ZNF318: variants seen among roughly 807,000 people sequenced by gnomAD.
The protein encoded by ZNF318 is zinc finger protein 318, also known as endocrine regulator.
A neutral mutation model predicts 124.2 loss-of-function variants in ZNF318; 51 were observed. The ratio of observed to expected loss-of-function variants is 0.41; its 90% CI spans 0.33 to 0.52. The LOEUF (loss-of-function observed/expected upper bound fraction) is 0.52. Ranked by LOEUF, ZNF318 falls within the 20% of genes least tolerant of loss-of-function variation. The probability of loss-of-function intolerance (pLI) is 0.23; values close to 1 mark genes in which losing one functional copy is unlikely to be tolerated. For missense variants in ZNF318, 2,815 were observed against 2,811.2 expected, an observed-to-expected ratio of 1.00 and a Z score of -0.03; for synonymous variants, 1,090 against 1,040.7, an observed-to-expected ratio of 1.05 and a Z score of -0.91.
At chr6:43,360,761 C>T (rs756853191) in intron 2 of ZNF318, among the ~76,000 whole-genome samples, 3 of 151,680 alleles carry the variant, frequency 2.0e-5, no homozygotes, top group Non-Finnish European at 4.4e-5. Context: ...ATATTATCAG[C>T]AATAAAAAGG....
chr6:43,343,596 A>G (rs1163389873), intron 6 of ZNF318, among the ~76,000 whole-genome samples: 1 of 152,134 alleles, frequency 6.6e-6, no homozygotes, highest in Non-Finnish European at 1.5e-5. Flanking sequence ...TGGGAGGTCG[A>G]GGTGGGCAGA....
chr6:43,364,759 AAAT>A (rs1779736962), intron 2 of ZNF318, among the ~76,000 whole-genome samples: 1 of 152,216 alleles, frequency 6.6e-6, no homozygotes, highest in Admixed American at 6.5e-5. Flanking sequence ...AATAGTTGTA[AAAT>A]AATAACTGAA....
Position 43,369,009 on chromosome 6 carries a change from G to A in ZNF318, c.357C>T (p.Ala119=), listed in dbSNP as rs953467237. 1 of 1,435,640 alleles carries A rather than the reference G, an allele frequency of 7.0e-7. No individual in the cohort carries two copies. Among genetic ancestry groups the A allele is most frequent in the Non-Finnish European group, 9.2e-7 (1 of 1,092,860 alleles). 88.9% of individuals were successfully genotyped at this position (1,435,640 alleles called of 1,614,324 possible). A position where few individuals can be genotyped will look rare whatever the true frequency, so the allele number is the denominator to read the frequency against. The part of the protein sequence containing the change: ...SSRGESRADY[A]RDGRGDHPGD... ...CTGGATGGTCTCCGCGGCCGTCCCG[G>A]GCATAGTCGGCGCGGGACTCCCCCC... The change falls in exon 1 of 10, where the codon GCC becomes GCT. Residue 119 remains alanine, a synonymous_variant. Transcript: ENST00000361428.
intron 2 of ZNF318, among the ~76,000 whole-genome samples, chr6:43,359,077 T>A (rs1179558241): frequency 6.6e-6 from 1 of 152,232 alleles, no homozygotes; most frequent in Non-Finnish European, 1.5e-5. Flanking sequence ...AACTACTGAT[T>A]TATCTAATTA....
In ZNF318 at chr6:43,340,865, G is replaced by C; in HGVS notation, c.3420C>G (p.Leu1140=). The stretch of plus-strand genomic sequence containing the variant: ...TTGGATCCCCCAAAAATTCCTCACA[G>C]AGCTGGCAATAAAATCCACTGATGG... The part of the protein sequence containing the change: ...LVPISGFYCQ[L]CEEFLGDPIS... Residue 1140 remains leucine, a synonymous_variant, in exon 9 of 10, where the codon CTC becomes CTG. Coordinates refer to ENST00000361428, the MANE Select transcript of ZNF318 (RefSeq NM_014345.3). 6.2e-7 allele frequency: 1 copy of C among 1,614,104 alleles called. No homozygotes were observed. The highest frequency in any genetic ancestry group is 8.5e-7 in the Non-Finnish European group (1 of 1,180,008).
Position 43,338,667 on chromosome 6 carries a change from T to G in ZNF318, c.5331A>C (p.Thr1777=). Residue 1777 remains threonine, a synonymous_variant, in exon 10 of 10, where the codon ACA becomes ACC. Coordinates refer to ENST00000361428, the MANE Select transcript of ZNF318 (RefSeq NM_014345.3). The part of the protein sequence containing the change: ...SEDCRESEIE[T]NTELKERVKE... The stretch of plus-strand genomic sequence containing the variant: ...TTACCCTTTCTTTTAGTTCAGTGTT[T>G]GTCTCTATCTCACTTTCTCTACAAT... 6.2e-7 allele frequency: 1 copy of G among 1,614,208 alleles called. No homozygotes were observed. Among genetic ancestry groups the G allele is most frequent in the Non-Finnish European group, 8.5e-7 (1 of 1,180,042 alleles).
At chr6:43,357,868 G>A in intron 2 of ZNF318, 103 bp from the exon 3 acceptor site, 1 of 1,059,562 alleles carries the variant, frequency 9.4e-7, no homozygotes, top group Non-Finnish European at 1.4e-6. Flanking sequence ...AAAATGCTTA[G>A]GGCAAAAGAC....
chr6:43,363,271 T>C (rs1308345137), intron 2 of ZNF318, among the ~76,000 whole-genome samples: 1 of 152,222 alleles, frequency 6.6e-6, no homozygotes, highest in African/African-American at 2.4e-5. Flanking sequence ...ATGTACCACC[T>C]ACCCAGACTA....
rs1452867256 is a variant in ZNF318, at chr6:43,340,007, C to T, written c.3991G>A (p.Ala1331Thr). 1 of 1,614,094 alleles carries T rather than the reference C, an allele frequency of 6.2e-7. No individual in the cohort carries two copies. Among genetic ancestry groups the T allele is most frequent in the African/African-American group, 1.3e-5 (1 of 74,924 alleles). The change falls in exon 10 of 10, where the codon GCA becomes ACA. Residue 1331 changes from alanine to threonine, a missense_variant. Ala to Thr is a moderately conservative substitution (Grantham distance 58). Transcript: ENST00000361428. ...KIKLSGKTVV[A>T]HTSPWMPVVT... ...ACAGGCATCCAAGGGCTGGTATGTG[C>T]AACAACAGTTTTCCCAGAGAGCTTG...
At chr6:43,362,502 A>T (rs901889924) in intron 2 of ZNF318, among the ~76,000 whole-genome samples, 1 of 148,848 alleles carries the variant, frequency 6.7e-6, no homozygotes, top group Non-Finnish European at 1.5e-5. Context: ...TAAAAAATAA[A>T]CATCTACATA....
chr6:43,342,893 A>G lies in ZNF318; in HGVS notation c.3073-14T>C, dbSNP rs1169555000. On this transcript the variant is annotated splice_polypyrimidine_tract_variant and intron_variant, in intron 6 of 9. Coordinates refer to ENST00000361428, the MANE Select transcript of ZNF318 (RefSeq NM_014345.3). ...TACTTTTGATTCCTAGAGGGGAAAAATCTGTACTTACAAGGAATTCAAGGC... is the reference window on the plus strand; with the variant it reads ...TACTTTTGATTCCTAGAGGGGAAAAGTCTGTACTTACAAGGAATTCAAGGC... 9 of 1,600,168 alleles carry G rather than the reference A, an allele frequency of 5.6e-6. No individual in the cohort carries two copies. The highest frequency in any genetic ancestry group is 3.4e-5 in the Admixed American group (2 of 59,034).
rs1205745127 is a variant in ZNF318, at chr6:43,369,622, C to A, written c.-257G>T. On this transcript the variant is annotated 5_prime_UTR_variant, in exon 1 of 10. Transcript: ENST00000361428. ...GCCTCCGGGGTTCCCCGCTCCTCCA[C>A]TCAGGGAGCGGCCGCAGGAACCAAG... is the stretch of plus-strand genomic sequence containing the variant. 1.3e-5 allele frequency: 2 copies of A among 154,282 alleles called. No homozygotes were observed. Among genetic ancestry groups the A allele is most frequent in the Non-Finnish European group, 2.9e-5 (2 of 70,000 alleles). The allele number at this position is 154,282 out of a possible 1,614,324, so 9.6% of individuals were successfully genotyped here.
In ZNF318 at chr6:43,355,167, A is replaced by G. The variant is rs771939185; in HGVS notation, c.2167T>C (p.Ser723Pro). 1.2e-6 allele frequency: 2 copies of G among 1,614,230 alleles called. No individual in the cohort carries two copies. Among genetic ancestry groups the G allele is most frequent in the South Asian group, 2.2e-5 (2 of 91,084 alleles). The stretch of plus-strand genomic sequence containing the variant: ...CCACTACCAACCACCTCTGGTCCTG[A>G]AATATGACCCACTGGATGGTCAGAC... ...LKSDHPVGHI[S>P]GPEVVGSGFQ... Residue 723 changes from serine to proline, a missense_variant, in exon 4 of 10, where the codon TCA becomes CCA. Physicochemically the swap from Ser to Pro is moderately conservative, Grantham distance 74. Transcript: ENST00000361428.
intron 5 of ZNF318, among the ~76,000 whole-genome samples, 159 bp from the exon 6 acceptor site, chr6:43,348,784 A>G (rs549233884): frequency 2.0e-5 from 3 of 152,354 alleles, no homozygotes; most frequent in Middle Eastern, 3.4e-3. Context: ...CTGTAATTCC[A>G]GCACTTTGGG....
chr6:43,365,542 C>T (rs1032432367), intron 1 of ZNF318, 102 bp from the exon 2 acceptor site: 7 of 1,249,854 alleles, frequency 5.6e-6, no homozygotes, highest in Non-Finnish European at 7.8e-6. Flanking sequence ...CATGGTGGCT[C>T]ATGCCTGTAT....
At chr6:43,344,057 G>A (rs569353554) in intron 6 of ZNF318, among the ~76,000 whole-genome samples, 1 of 152,182 alleles carries the variant, frequency 6.6e-6, no homozygotes, top group Non-Finnish European at 1.5e-5. Flanking sequence ...CTATGAATGG[G>A]GTTCTATAGT....
chr6:43,352,322 T>C, intron 5 of ZNF318, 55 bp downstream of exon 5: 4 of 1,233,652 alleles, frequency 3.2e-6, no homozygotes, highest in Non-Finnish European at 4.2e-6. Flanking sequence ...AGTACCAAAT[T>C]TGGGTCTCCT....
At position 43,355,755 on chromosome 6, in the gene ZNF318, T is replaced by A; in HGVS notation, c.1579A>T (p.Ser527Cys). Reference sequence around the variant, plus strand: ...TCCTCATCTTCAATGTCGGGAAAGCTACGTCGCCTTTTTTCCTGTGTACTG... The same window carrying A: ...TCCTCATCTTCAATGTCGGGAAAGCAACGTCGCCTTTTTTCCTGTGTACTG... ...STSTQEKRRRSFPDIEDEEKF... is the reference protein window; with the variant it reads ...STSTQEKRRRCFPDIEDEEKF... Residue 527 changes from serine to cysteine, a missense_variant, in exon 4 of 10, where the codon AGC becomes TGC. Around this residue, in one of 4 missense-constraint regions of ZNF318, gnomAD observed 1,377 missense variants for 1,353.5 expected, o/e 1.02. Transcript: ENST00000361428. The A allele has an allele frequency of 2.5e-6, 4 of 1,614,126 alleles. No homozygotes were observed. The highest frequency in any genetic ancestry group is 3.4e-6 in the Non-Finnish European group (4 of 1,180,052).
chr6:43,352,152 A>G (rs997511658), intron 5 of ZNF318, among the ~76,000 whole-genome samples: 1 of 57,192 alleles, frequency 1.7e-5, no homozygotes, highest in Non-Finnish European at 3.0e-5. Flanking sequence ...TCAAATCATC[A>G]TCATCATCAT....
Sources: gnomAD v4.1 joint callset for allele counts (sites outside exome capture counted in the v4.1 genomes callset) on GRCh38, gnomAD v4.1.1 for gene constraint, gnomAD v4.1.1 regional missense constraint, MANE v1.5 for transcripts, NCBI Gene and HGNC (gene_info 2026-07-23, HGNC 2026-07-21) for gene names.